CCSER1: variants seen among roughly 807,000 people sequenced by gnomAD.
CCSER1 encodes the protein coiled-coil serine rich protein 1, also known as serine-rich coiled-coil domain-containing protein 1.
In CCSER1, 41 loss-of-function variants were observed where a neutral mutation model predicts 82.0. The observed-to-expected ratio is 0.50, with a 90% CI of 0.39 to 0.65. The LOEUF (loss-of-function observed/expected upper bound fraction) is 0.65, where lower values mean the gene tolerates loss of function less well. Among genes scored for constraint, CCSER1 ranks in the 30% least tolerant of loss-of-function variants. The pLI, the probability that CCSER1 is intolerant of heterozygous loss-of-function variation, is 0.00. For synonymous variants in CCSER1, 414 were observed against 383.9 expected (o/e 1.08, Z -0.92); for missense variants, 1,119 against 1,064.2 (o/e 1.05, Z -0.72).
At chr4:90,845,989 C>A (rs1198018630) in intron 8 of CCSER1, among the ~76,000 whole-genome samples, 1 of 151,866 alleles carries the variant, frequency 6.6e-6, no homozygotes, top group Non-Finnish European at 1.5e-5. Context: ...TGTTATTAAC[C>A]ATAAATGCTC....
intron 10 of CCSER1, among the ~76,000 whole-genome samples, chr4:91,094,662 C>G (rs1724319148): frequency 6.6e-6 from 1 of 152,150 alleles, no homozygotes; most frequent in African/African-American, 2.4e-5. Context: ...GGCTGAGCCC[C>G]AGGCTTAACT....
chr4:91,444,563 C>T (rs1392487549), intron 10 of CCSER1, among the ~76,000 whole-genome samples: 1 of 152,030 alleles, frequency 6.6e-6, no homozygotes, highest in Non-Finnish European at 1.5e-5. Context: ...GATCCTCCTG[C>T]CTCGGCCTCC....
chr4:90,533,084 G>GTTTTT (rs59215370), intron 5 of CCSER1, among the ~76,000 whole-genome samples: 71 of 89,006 alleles, frequency 8.0e-4, no homozygotes, highest in Non-Finnish European at 9.8e-4. Flanking sequence ...ATTTCTGTGG[G>GTTTTT]TTTTTTTTTT....
At chr4:90,952,318 G>A (rs1365166103) in intron 9 of CCSER1, among the ~76,000 whole-genome samples, 2 of 152,018 alleles carry the variant, frequency 1.3e-5, no homozygotes, top group Non-Finnish European at 2.9e-5. Context: ...TTGCCCCCCA[G>A]TGAACACTGA....
At chr4:90,419,632 G>T (rs1756380648) in intron 4 of CCSER1, among the ~76,000 whole-genome samples, 2 of 151,882 alleles carry the variant, frequency 1.3e-5, no homozygotes, top group African/African-American at 2.4e-5. Context: ...TAGAAGAGGA[G>T]AGAGAAGAGG....
chr4:90,371,643 A>G (rs915585538), intron 3 of CCSER1, among the ~76,000 whole-genome samples: 9 of 152,200 alleles, frequency 5.9e-5, no homozygotes, highest in African/African-American at 1.2e-4. Context: ...AATAATTTGG[A>G]ACTACAAGAG....
At chr4:90,374,008 T>A (rs1207540721) in intron 3 of CCSER1, among the ~76,000 whole-genome samples, 1 of 152,152 alleles carries the variant, frequency 6.6e-6, no homozygotes, top group Non-Finnish European at 1.5e-5. Flanking sequence ...ACTAATAAAG[T>A]CCTTTTCCTT....
chr4:90,878,825 T>G lies in CCSER1; in HGVS notation c.2095-44545T>G, dbSNP rs187870109. Among the ~76,000 whole-genome samples, 39 of 152,292 alleles carry G rather than the reference T, an allele frequency of 2.6e-4. No individual in the cohort carries two copies. In the East Asian group the frequency reaches 7.5e-3, roughly 29 times the overall value. On this transcript the variant is annotated intron_variant, in intron 8 of 10. Transcript: ENST00000509176. ...TACCTCTGATTTCCTATGTGATAAT[T>G]AGAAAAGTACATAATAGTTTTGTGA...
intron 10 of CCSER1, among the ~76,000 whole-genome samples, chr4:91,356,793 G>A (rs943093231): frequency 1.3e-5 from 2 of 152,282 alleles, no homozygotes; most frequent in East Asian, 3.9e-4. Context: ...TGAACTTAGT[G>A]TTGGGAGACG....
intron 10 of CCSER1, among the ~76,000 whole-genome samples, chr4:91,256,376 C>T (rs574923491): frequency 5.3e-5 from 8 of 152,322 alleles, no homozygotes; most frequent in Admixed American, 2.6e-4. Context: ...TAGTTTTGCC[C>T]TGGCCTAGTG....
intron 10 of CCSER1, among the ~76,000 whole-genome samples, chr4:91,139,043 G>T (rs1001804662): frequency 2.6e-5 from 4 of 152,028 alleles, no homozygotes; most frequent in African/African-American, 9.7e-5. Flanking sequence ...CTTCCTCTTT[G>T]CTCAAGCAGT....
At chr4:90,276,251 T>TTTCTTTCTTTCTTTCTTTCTTCCCTTCC (rs1727659770) in intron 1 of CCSER1, among the ~76,000 whole-genome samples, 5 of 76,826 alleles carry the variant, frequency 6.5e-5, no homozygotes, top group African/African-American at 2.6e-4. Flanking sequence ...TCTTTCTTTC[T>TTTCTTTCTTTCTTTCTTTCTTCCCTTCC]TTCCTTCCTT....
intron 5 of CCSER1, among the ~76,000 whole-genome samples, chr4:90,553,910 A>C (rs1163552449): frequency 6.6e-6 from 1 of 152,226 alleles, no homozygotes; most frequent in East Asian, 1.9e-4. Flanking sequence ...TTACTCACCA[A>C]CTTATCAAAT....
chr4:91,300,948 G>A (rs1744618128), intron 10 of CCSER1, among the ~76,000 whole-genome samples: 1 of 151,806 alleles, frequency 6.6e-6, no homozygotes, highest in Non-Finnish European at 1.5e-5. Flanking sequence ...CATTAGGGAG[G>A]TTTTTAAAAA....
chr4:91,035,503 C>A (rs1394066667), intron 9 of CCSER1, among the ~76,000 whole-genome samples: 1 of 152,132 alleles, frequency 6.6e-6, no homozygotes, highest in Non-Finnish European at 1.5e-5. Context: ...AAAGCTTATG[C>A]CACTGGGGAT....
chr4:90,830,196 A>G (rs778910565), intron 8 of CCSER1, among the ~76,000 whole-genome samples: 1 of 152,184 alleles, frequency 6.6e-6, no homozygotes, highest in Non-Finnish European at 1.5e-5. Context: ...GTTGAGAAGT[A>G]TATGAAGCAA....
chr4:91,414,472 T>C (rs1267843665), intron 10 of CCSER1, among the ~76,000 whole-genome samples: 1 of 152,038 alleles, frequency 6.6e-6, no homozygotes, highest in African/African-American at 2.4e-5. Flanking sequence ...TTCACAAATT[T>C]AAAGGAAGGC....
intron 10 of CCSER1, among the ~76,000 whole-genome samples, chr4:91,198,176 A>G (rs891008677): frequency 1.3e-5 from 2 of 152,102 alleles, no homozygotes; most frequent in African/African-American, 4.8e-5. Context: ...TTCATTTTGC[A>G]TTACTTTCCT....
chr4:90,859,125 A>G (rs1178619593), intron 8 of CCSER1, among the ~76,000 whole-genome samples: 1 of 151,928 alleles, frequency 6.6e-6, no homozygotes, highest in East Asian at 1.9e-4. Context: ...ATTCATATGT[A>G]GCACACAGAA....
Sources: allele counts gnomAD v4.1 joint callset (sites outside exome capture counted in the v4.1 genomes callset), GRCh38; gene constraint gnomAD v4.1.1; transcripts MANE v1.5; gene names NCBI Gene and HGNC (gene_info 2026-07-23, HGNC 2026-07-21).